Variants in CCDC141 observed in about 807,000 individuals in gnomAD.
CCDC141 encodes the protein coiled-coil domain-containing protein 141.
Under a neutral mutation model 181.0 loss-of-function variants are expected in CCDC141, and 168 were observed. The ratio of observed to expected loss-of-function variants is 0.93; its 90% CI spans 0.82 to 1.05. The LOEUF (loss-of-function observed/expected upper bound fraction) is 1.05, where lower values mean the gene tolerates loss of function less well. Among genes scored for constraint, CCDC141 ranks in the 50% least tolerant of loss-of-function variants. The pLI, the probability that CCDC141 is intolerant of heterozygous loss-of-function variation, is 0.00. For missense variants in CCDC141, 1,902 were observed against 1,788.5 expected, an observed-to-expected ratio of 1.06 and a Z score of -1.14; for synonymous variants, 666 against 642.3, an observed-to-expected ratio of 1.04 and a Z score of -0.56.
chr2:178,822,958 G>A, the CCDC141 span, among the ~76,000 whole-genome samples: 2 of 152,164 alleles, frequency 1.3e-5, no homozygotes, highest in East Asian at 3.8e-4. Context: ...GAGTCTGTTT[G>A]AGCCAACCTG....
In CCDC141 at chr2:178,945,769, G is replaced by A. The variant is rs142889214; in HGVS notation, c.781-1118C>T. Reference sequence around the variant, plus strand: ...GGATTTCTCTGAAATCCTATAACATGGAGAAATGTGTACAACAGGTAGCCA... The same window carrying A: ...GGATTTCTCTGAAATCCTATAACATAGAGAAATGTGTACAACAGGTAGCCA... On this transcript the variant is annotated intron_variant, in intron 5 of 23. Transcript: ENST00000443758. 2.7e-3 allele frequency among the ~76,000 whole-genome samples: 409 copies of A among 151,902 alleles called. 1 individual carries two copies. Among genetic ancestry groups the A allele is most frequent in the African/African-American group, 9.1e-3 (378 of 41,412 alleles).
At chr2:178,828,207 C>T (rs978816157), downstream of CCDC141, among the ~76,000 whole-genome samples, 15 of 152,114 alleles carry the variant, frequency 9.9e-5, no homozygotes, top group Admixed American at 2.6e-4. Flanking sequence ...TCTAACTTCT[C>T]GGGGAGTTCC....
At chr2:178,890,015 A>C (rs1028803077) in intron 8 of CCDC141, among the ~76,000 whole-genome samples, 4 of 152,182 alleles carry the variant, frequency 2.6e-5, no homozygotes, top group African/African-American at 9.6e-5. Context: ...ATATGCTCAA[A>C]AGGCATTTAA....
At chr2:178,856,236 C>A (rs201940919) in intron 18 of CCDC141, 21 bp downstream of exon 18, 6 of 1,589,760 alleles carry the variant, frequency 3.8e-6, no homozygotes, top group Non-Finnish European at 5.1e-6. Context: ...CGCACATATA[C>A]AAACCATACT....
At chr2:178,956,336 A>T (rs1186866219) in intron 5 of CCDC141, among the ~76,000 whole-genome samples, 1 of 152,200 alleles carries the variant, frequency 6.6e-6, no homozygotes, top group Non-Finnish European at 1.5e-5. Context: ...TCACTCTGTC[A>T]CCCAGACTGA....
chr2:178,975,093 T>G lies in CCDC141; in HGVS notation c.490A>C (p.Lys164Gln). 3 of 1,529,094 alleles carry G rather than the reference T, an allele frequency of 2.0e-6. No individual in the cohort carries two copies. The South Asian group carries it at 3.7e-5, about 19-fold the overall frequency. 94.7% of individuals were successfully genotyped at this position (1,529,094 alleles called of 1,614,324 possible). ...THEFESAESL[K>Q]SLLQLHEHHT... is the part of the protein sequence containing the mutation. ...TGTTCATGAAGCTGAAGAAGTGATT[T>G]TAAGGACTCAGCACTCTCAAACTCA... The change falls in exon 4 of 24, where the codon AAA becomes CAA. Residue 164 changes from lysine (K) to glutamine (Q), a missense_variant. Physicochemically the swap from Lys to Gln is moderately conservative, Grantham distance 53. Coordinates refer to ENST00000443758, the MANE Select transcript of CCDC141 (RefSeq NM_173648.4).
chr2:179,030,386 A>C (rs879308111), intron 2 of CCDC141, among the ~76,000 whole-genome samples: 3 of 152,094 alleles, frequency 2.0e-5, no homozygotes, highest in Admixed American at 1.3e-4. Flanking sequence ...CTATTTTTAG[A>C]ATCTGAATTG....
Position 178,948,742 on chromosome 2 carries a change from C to G in CCDC141, c.781-4091G>C, listed in dbSNP as rs1324680505. Among the ~76,000 whole-genome samples, 5 of 152,250 alleles carry G rather than the reference C, an allele frequency of 3.3e-5. No individual in the cohort carries two copies. The East Asian group carries it at 9.7e-4, about 29-fold the overall frequency. ...CAGCAGACCTGGTTGTTAAAAACAG[C>G]CTAGTGTCTCCACGTGTTCTCTTGC... On this transcript the variant is annotated intron_variant, in intron 5 of 23. Coordinates refer to ENST00000443758, the MANE Select transcript of CCDC141 (RefSeq NM_173648.4).
intron 2 of CCDC141, among the ~76,000 whole-genome samples, chr2:179,042,290 G>A (rs1210712455): frequency 6.6e-6 from 1 of 152,134 alleles, no homozygotes; most frequent in Non-Finnish European, 1.5e-5. Flanking sequence ...AATGAAAATT[G>A]AACAATGTGC....
At chr2:178,972,873 A>C (rs1690959903) in intron 4 of CCDC141, among the ~76,000 whole-genome samples, 1 of 152,184 alleles carries the variant, frequency 6.6e-6, no homozygotes, top group Admixed American at 6.5e-5. Flanking sequence ...AGTTTCTTAC[A>C]TATTAGGGAG....
chr2:178,845,881 T>A, intron 21 of CCDC141, 139 bp from the exon 22 acceptor site: 1 of 656,910 alleles, frequency 1.5e-6, no homozygotes, highest in Non-Finnish European at 2.7e-6. Context: ...TGTACTCCCA[T>A]GATGTGATTT....
chr2:178,961,229 C>T lies in CCDC141; in HGVS notation c.780+1G>A. On this transcript the variant is annotated splice_donor_variant, in intron 5 of 23. Transcript: ENST00000443758. LOFTEE classifies it high-confidence loss of function. ...CATCATCCAATGCCCCTTTGGGTTA[C>T]CTGGTTTTCTTGTTGGTCCCACTGA... The T allele has an allele frequency of 1.9e-6, 3 of 1,549,914 alleles. No homozygotes were observed. Among genetic ancestry groups the T allele is most frequent in the Non-Finnish European group, 2.6e-6 (3 of 1,146,508 alleles).
chr2:178,946,776 C>G (rs1187021276), intron 5 of CCDC141, among the ~76,000 whole-genome samples: 1 of 152,150 alleles, frequency 6.6e-6, no homozygotes, highest in East Asian at 1.9e-4. Flanking sequence ...TTGGCATATA[C>G]TATTTCAACT....
At chr2:178,865,467 G>C (rs1460213686) in intron 17 of CCDC141, among the ~76,000 whole-genome samples, 1 of 152,082 alleles carries the variant, frequency 6.6e-6, no homozygotes, top group Non-Finnish European at 1.5e-5. Context: ...GGAGAAGGGG[G>C]AAGCAAAAAA....
At chr2:178,968,953 A>G (rs534270034) in intron 4 of CCDC141, among the ~76,000 whole-genome samples, 6 of 152,056 alleles carry the variant, frequency 3.9e-5, no homozygotes, top group African/African-American at 1.2e-4. Context: ...TACTATAAAC[A>G]CCTCTATGCA....
chr2:179,011,598 T>A (rs2042272429), intron 2 of CCDC141, among the ~76,000 whole-genome samples: 1 of 152,084 alleles, frequency 6.6e-6, no homozygotes, highest in Admixed American at 6.6e-5. Flanking sequence ...AACAATGGAT[T>A]TAAACCATAC....
At chr2:178,884,762 T>C in intron 11 of CCDC141, 139 bp downstream of exon 11, 1 of 530,724 alleles carries the variant, frequency 1.9e-6, no homozygotes, top group Non-Finnish European at 3.3e-6. Context: ...TTTACAAGAA[T>C]ACAGGGCCTA....
At chr2:178,887,465 T>C (rs906712327) in intron 9 of CCDC141, among the ~76,000 whole-genome samples, 11 of 152,178 alleles carry the variant, frequency 7.2e-5, no homozygotes, top group Non-Finnish European at 1.0e-4. Context: ...TCAAGTTACA[T>C]GCTTTGTCCC....
chr2:178,916,308 A>G (rs1688444223), intron 7 of CCDC141, among the ~76,000 whole-genome samples: 1 of 152,180 alleles, frequency 6.6e-6, no homozygotes, highest in African/African-American at 2.4e-5. Flanking sequence ...TTTTGAAATT[A>G]TATTAATTTT....
Sources: gnomAD v4.1 joint callset for allele counts (sites outside exome capture counted in the v4.1 genomes callset) on GRCh38, gnomAD v4.1.1 for gene constraint, MANE v1.5 for transcripts, NCBI Gene and HGNC (gene_info 2026-07-23, HGNC 2026-07-21) for gene names.